ANKH: variants seen among roughly 807,000 people sequenced by gnomAD.
ANKH encodes the protein ANKH inorganic pyrophosphate transport regulator.
Under a neutral mutation model 49.0 loss-of-function variants are expected in ANKH, and 15 were observed. The ratio of observed to expected loss-of-function variants is 0.31; its 90% CI spans 0.20 to 0.47. The LOEUF (loss-of-function observed/expected upper bound fraction) is 0.47. Ranked by LOEUF, ANKH falls within the 20% of genes least tolerant of loss-of-function variation. The pLI, the probability that ANKH is intolerant of heterozygous loss-of-function variation, is 1.00. For missense variants in ANKH, 429 were observed against 652.0 expected (o/e 0.66, Z 3.72); for synonymous variants, 273 against 260.0 (o/e 1.05, Z -0.48).
Position 14,713,468 on chromosome 5 carries a change from A to G in ANKH, c.1265+76T>C. ...ACGTGCCTGGGGATTTCCCCTGAAAATGTAGCTGTTAAACCTCTGGACACA... is the reference window on the plus strand; with the variant it reads ...ACGTGCCTGGGGATTTCCCCTGAAAGTGTAGCTGTTAAACCTCTGGACACA... On this transcript the variant is annotated intron_variant, in intron 10 of 11. Transcript: ENST00000284268. This position sits in a 1 kb window ranked among gnomAD's most constrained non-coding sequence, Gnocchi z 4.4. 1 of 1,582,846 alleles carries G rather than the reference A, an allele frequency of 6.3e-7. No individual in the cohort carries two copies. Among genetic ancestry groups the G allele is most frequent in the Non-Finnish European group, 8.6e-7 (1 of 1,158,716 alleles).
chr5:14,827,292 T>A (rs1371270537), intron 1 of ANKH, among the ~76,000 whole-genome samples: 1 of 152,208 alleles, frequency 6.6e-6, no homozygotes, highest in Non-Finnish European at 1.5e-5. Flanking sequence ...CTGAGCCAGG[T>A]ATTTCTTACA....
chr5:14,717,294 A>C (rs1737506452), intron 8 of ANKH, among the ~76,000 whole-genome samples: 1 of 152,278 alleles, frequency 6.6e-6, no homozygotes, highest in Non-Finnish European at 1.5e-5. Flanking sequence ...CATAATGAAA[A>C]GGGAAATATT....
At position 14,738,799 on chromosome 5, in the gene ANKH, A is replaced by G. The variant is rs534004260; in HGVS notation, c.1011+3028T>C. On this transcript the variant is annotated intron_variant, in intron 8 of 11. Coordinates refer to ENST00000284268, the MANE Select transcript of ANKH (RefSeq NM_054027.6). ...AAAAAGAAAATAGACTAGAAAATCA[A>G]GAGCCTTTTAAAAGCTTTTACGATA... Among the ~76,000 whole-genome samples, 17 of 152,280 alleles carry G rather than the reference A, an allele frequency of 1.1e-4. No individual in the cohort carries two copies. In the South Asian group the frequency reaches 3.3e-3, roughly 30 times the overall value.
chr5:14,740,472 C>T (rs1738319191), intron 8 of ANKH, among the ~76,000 whole-genome samples: 1 of 152,104 alleles, frequency 6.6e-6, no homozygotes, highest in East Asian at 1.9e-4. Context: ...TTGCTATCAG[C>T]AATTCTTCTG....
intron 1 of ANKH, among the ~76,000 whole-genome samples, chr5:14,793,436 G>A (rs971429427): frequency 1.3e-5 from 2 of 152,116 alleles, no homozygotes; most frequent in African/African-American, 4.8e-5. Context: ...CTGTGCCCAC[G>A]TTAAACTGGC....
At chr5:14,793,025 T>TATATATATAAAAATATATATATATAA (rs1740235576) in intron 1 of ANKH, among the ~76,000 whole-genome samples, 4 of 73,676 alleles carry the variant, frequency 5.4e-5, no homozygotes, top group Non-Finnish European at 9.9e-5. Context: ...TATATAAATA[T>TATATATATAAAAATATATATATATAA]ATATATATAA....
At chr5:14,798,049 C>A (rs1411563045) in intron 1 of ANKH, 1 of 1,584,532 alleles carries the variant, frequency 6.3e-7, no homozygotes, top group Non-Finnish European at 8.7e-7. Context: ...ATCTTGATTT[C>A]TATTTCAATT....
At chr5:14,802,568 C>A (rs1740595834) in intron 1 of ANKH, among the ~76,000 whole-genome samples, 1 of 152,112 alleles carries the variant, frequency 6.6e-6, no homozygotes, top group African/African-American at 2.4e-5. Context: ...ACCCCTTGGC[C>A]AAATCTCTGT....
At chr5:14,738,804 CT>C (rs1738264829) in intron 8 of ANKH, among the ~76,000 whole-genome samples, 1 of 151,878 alleles carries the variant, frequency 6.6e-6, no homozygotes, top group African/African-American at 2.4e-5. Flanking sequence ...AATCAAGAGC[CT>C]TTTAAAAGCT....
chr5:14,729,471 G>A (rs1737926389), intron 8 of ANKH, among the ~76,000 whole-genome samples: 1 of 150,146 alleles, frequency 6.7e-6, no homozygotes, highest in Non-Finnish European at 1.5e-5. Context: ...TACAGGTTGT[G>A]CCACCGCGCC....
At chr5:14,746,342 G>GTTT (rs1226294177) in intron 6 of ANKH, among the ~76,000 whole-genome samples, 2 of 150,120 alleles carry the variant, frequency 1.3e-5, no homozygotes, top group Non-Finnish European at 3.0e-5. Context: ...GGAGACCAGA[G>GTTT]TTTATTATTA....
intron 4 of ANKH, among the ~76,000 whole-genome samples, chr5:14,753,984 ACAAAC>A (rs1409851050): frequency 6.6e-6 from 1 of 152,240 alleles, no homozygotes; most frequent in Non-Finnish European, 1.5e-5. Flanking sequence ...TTCATACCTA[ACAAAC>A]GTTTTCAGGT....
At chr5:14,827,972 A>C (rs191287706) in intron 1 of ANKH, among the ~76,000 whole-genome samples, 1 of 152,356 alleles carries the variant, frequency 6.6e-6, no homozygotes, top group Non-Finnish European at 1.5e-5. Flanking sequence ...CATATCTCAG[A>C]TCATACCACG....
At position 14,706,517 on chromosome 5, in the gene ANKH, TATC is replaced by T. The variant is rs1736950990; in HGVS notation, c.*4677_*4679del. 1 of 152,354 alleles carries T rather than the reference TATC, an allele frequency of 6.6e-6. No individual in the cohort carries two copies. The highest frequency in any genetic ancestry group is 2.4e-5 in the African/African-American group (1 of 41,592). The allele number at this position is 152,354 out of a possible 1,614,324, so 9.4% of individuals were successfully genotyped here. A position where few individuals can be genotyped will look rare whatever the true frequency, so the allele number is the denominator to read the frequency against. On this transcript the variant is annotated 3_prime_UTR_variant, in exon 12 of 12. Transcript: ENST00000284268. ...AAAATAAAGTCTAAACTTAAGGTCT[TATC>T]ATCTCGTTTTTCCCTTTTGAGATCA...
At chr5:14,845,367 T>TATATATATATATA (rs201739117) in intron 1 of ANKH, among the ~76,000 whole-genome samples, 833 of 83,210 alleles carry the variant, frequency 0.01, 3 homozygotes, top group Non-Finnish European at 0.013. Context: ...TATATATATA[T>TATATATATATATA]TTTTTTTTTT....
intron 1 of ANKH, among the ~76,000 whole-genome samples, chr5:14,856,349 T>C (rs1204389947): frequency 6.6e-6 from 1 of 152,180 alleles, no homozygotes; most frequent in Admixed American, 6.5e-5. Flanking sequence ...CATTTCATAC[T>C]TTTCAAAGCA....
chr5:14,821,651 A>G lies in ANKH; in HGVS notation c.96+49701T>C, dbSNP rs570349723. Among the ~76,000 whole-genome samples the G allele has an allele frequency of 3.3e-5, 5 of 152,358 alleles. No homozygotes were observed. In the East Asian group the frequency reaches 9.6e-4, roughly 29 times the overall value. The stretch of plus-strand genomic sequence containing the variant: ...AGCACAACTTCCACATTTTCAGGGG[A>G]AAAAGCTTGATACAGTAAAAACAGC... On this transcript the variant is annotated intron_variant, in intron 1 of 11. Coordinates refer to ENST00000284268, the MANE Select transcript of ANKH (RefSeq NM_054027.6).
In ANKH at chr5:14,749,582, C is replaced by T. The variant is rs192964102; in HGVS notation, c.688-276G>A. Among the ~76,000 whole-genome samples, 214 of 152,348 alleles carry T rather than the reference C, an allele frequency of 1.4e-3. No individual in the cohort carries two copies. In the Middle Eastern group the frequency reaches 0.02, roughly 15 times the overall value. The stretch of plus-strand genomic sequence containing the variant: ...CCAACCACTCTTTTCCATACTGAGA[C>T]TCGGGGAATCTCTAACCAAGGTAGA... On this transcript the variant is annotated intron_variant, in intron 5 of 11. Coordinates refer to ENST00000284268, the MANE Select transcript of ANKH (RefSeq NM_054027.6).
chr5:14,766,336 C>T (rs759296214), intron 2 of ANKH, among the ~76,000 whole-genome samples: 2 of 152,166 alleles, frequency 1.3e-5, no homozygotes, highest in South Asian at 2.1e-4. Flanking sequence ...TTCAAGGTTG[C>T]GGTTAGTTGT....
Sources: gnomAD v4.1 joint callset for allele counts (sites outside exome capture counted in the v4.1 genomes callset) on GRCh38, gnomAD v4.1.1 for gene constraint, Gnocchi (gnomAD v3.1) non-coding constraint, MANE v1.5 for transcripts, NCBI Gene and HGNC (gene_info 2026-07-23, HGNC 2026-07-21) for gene names.